Variants in PLBD1 observed in about 807,000 individuals in gnomAD.
PLBD1 encodes the protein phospholipase B domain containing 1.
PLBD1 carries 60 observed loss-of-function variants against 63.0 expected under a neutral mutation model. That is an observed-to-expected ratio of 0.95 (90% CI 0.77 to 1.18). The LOEUF (loss-of-function observed/expected upper bound fraction) is 1.18. Ranked by LOEUF, PLBD1 falls within the 50% of genes most tolerant of loss-of-function variation. The pLI is 0.00. For missense variants in PLBD1, 598 were observed against 677.9 expected (o/e 0.88, Z 1.31); for synonymous variants, 262 against 248.0 (o/e 1.06, Z -0.53).
At chr12:14,561,034 C>T (rs147403592) in intron 1 of PLBD1, among the ~76,000 whole-genome samples, 61 of 151,768 alleles carry the variant, frequency 4.0e-4, no homozygotes, top group African/African-American at 1.4e-3. Context: ...ATTTCAGAGA[C>T]GCCCTGAGGT....
chr12:14,511,885 A>G lies in PLBD1; in HGVS notation c.845-174T>C, dbSNP rs539241479. ...GGCTCACCTCTGTGGTAGTCACCCAACTGCCCCTTATAGAGGTGCCAAAAG... is the reference window on the plus strand; with the variant it reads ...GGCTCACCTCTGTGGTAGTCACCCAGCTGCCCCTTATAGAGGTGCCAAAAG... On this transcript the variant is annotated intron_variant, in intron 6 of 10. Coordinates refer to ENST00000240617, the MANE Select transcript of PLBD1 (RefSeq NM_024829.6). Among the ~76,000 whole-genome samples, 5 of 152,314 alleles carry G rather than the reference A, an allele frequency of 3.3e-5. No homozygotes were observed. In the South Asian group the frequency reaches 1.0e-3, roughly 32 times the overall value.
At chr12:14,561,694 A>G (rs894117397) in intron 1 of PLBD1, among the ~76,000 whole-genome samples, 2 of 152,192 alleles carry the variant, frequency 1.3e-5, no homozygotes, top group Non-Finnish European at 2.9e-5. Context: ...AGCTGGGATC[A>G]CAAGCGTGCG....
At chr12:14,510,884 G>A (rs1373436342) in intron 8 of PLBD1, among the ~76,000 whole-genome samples, 22 of 152,142 alleles carry the variant, frequency 1.4e-4, no homozygotes, top group Non-Finnish European at 2.5e-4. Context: ...AGACTCCTGA[G>A]TCCTTCCAGG....
rs1238119326 is a variant in PLBD1 at position 14,503,916 on chromosome 12, A to G, written c.1518T>C (p.Tyr506=). The G allele has an allele frequency of 1.9e-6, 3 of 1,613,974 alleles. No homozygotes were observed. Among genetic ancestry groups the G allele is most frequent in the East Asian group, 4.5e-5 (2 of 44,892 alleles). The change falls in exon 11 of 11, where the codon TAT becomes TAC. Residue 506 remains tyrosine, a synonymous_variant. Coordinates refer to ENST00000240617, the MANE Select transcript of PLBD1 (RefSeq NM_024829.6). ...DIYLASQYTS[Y]AISGPTVQGG... is the part of the protein sequence containing the mutation. ...CTTGTACTGTGGGACCACTTATGGC[A>G]TAGGATGTGTACTGAGATGCTAGGT...
intron 1 of PLBD1, among the ~76,000 whole-genome samples, chr12:14,561,502 A>G (rs971356981): frequency 2.6e-5 from 4 of 151,572 alleles, no homozygotes; most frequent in African/African-American, 9.7e-5. Flanking sequence ...CATTGTATCC[A>G]CTCCCTTGGG....
At chr12:14,546,828 C>T (rs1945620259) in intron 2 of PLBD1, among the ~76,000 whole-genome samples, 1 of 152,104 alleles carries the variant, frequency 6.6e-6, no homozygotes, top group African/African-American at 2.4e-5. Context: ...GATAGAAATA[C>T]AGGAAGGTAA....
intron 2 of PLBD1, among the ~76,000 whole-genome samples, chr12:14,548,282 C>T (rs1241988426): frequency 6.6e-6 from 1 of 151,568 alleles, no homozygotes; most frequent in Non-Finnish European, 1.5e-5. Context: ...CATGGTGAAA[C>T]CCTGTCTCTA....
chr12:14,535,541 T>G, intron 6 of PLBD1, 118 bp downstream of exon 6: 1 of 1,093,202 alleles, frequency 9.1e-7, no homozygotes, highest in Non-Finnish European at 1.3e-6. Context: ...TCAGATTGTT[T>G]GTTAATATAT....
At chr12:14,532,339 G>T (rs1418765870) in intron 6 of PLBD1, among the ~76,000 whole-genome samples, 3 of 152,188 alleles carry the variant, frequency 2.0e-5, no homozygotes, top group East Asian at 1.9e-4. Flanking sequence ...ACCGACACAT[G>T]GTACAGAGCT....
chr12:14,540,961 C>A (rs1462001379), intron 3 of PLBD1, 59 bp from the exon 4 acceptor site: 5 of 1,477,854 alleles, frequency 3.4e-6, no homozygotes, highest in Non-Finnish European at 4.6e-6. Context: ...AAAGCTAAAT[C>A]AAAGCAGGCA....
At chr12:14,557,128 C>T (rs1366860962) in intron 1 of PLBD1, among the ~76,000 whole-genome samples, 2 of 151,918 alleles carry the variant, frequency 1.3e-5, no homozygotes, top group Non-Finnish European at 2.9e-5. Flanking sequence ...AAATACCACT[C>T]CACATGAGTC....
intron 6 of PLBD1, among the ~76,000 whole-genome samples, chr12:14,514,240 G>A (rs1945321794): frequency 6.6e-6 from 1 of 152,184 alleles, no homozygotes; most frequent in Non-Finnish European, 1.5e-5. Flanking sequence ...CCTGGGCAAG[G>A]ATATATGGCT....
At position 14,540,803 on chromosome 12, in the gene PLBD1, A is replaced by G. The variant is rs764158372; in HGVS notation, c.519T>C (p.Tyr173=). 8.7e-6 allele frequency: 14 copies of G among 1,610,432 alleles called. No homozygotes were observed. The highest frequency in any genetic ancestry group is 1.3e-5 in the African/African-American group (1 of 74,884). The change falls in exon 4 of 11, where the codon TAT becomes TAC. Residue 173 remains tyrosine, a synonymous_variant. Transcript: ENST00000240617. ...ATATAGCCCTCTTCTTTGCTCCTAC[A>G]TAGAGGCCATCTATTTGTGCCATCA... ...GYVMAQIDGL[Y]VGAKKRAILE...
intron 1 of PLBD1, among the ~76,000 whole-genome samples, chr12:14,564,123 T>C (rs1448770305): frequency 1.3e-5 from 2 of 152,134 alleles, no homozygotes; most frequent in African/African-American, 4.8e-5. Flanking sequence ...TGTGCACCTG[T>C]AGTCCCATCT....
intron 6 of PLBD1, among the ~76,000 whole-genome samples, chr12:14,512,351 G>A (rs1485501495): frequency 1.3e-5 from 2 of 152,100 alleles, no homozygotes; most frequent in Non-Finnish European, 1.5e-5. Context: ...GTTTCACCGT[G>A]TTGGCCAGGC....
chr12:14,563,091 A>C (rs999740183), intron 1 of PLBD1, among the ~76,000 whole-genome samples: 2 of 152,170 alleles, frequency 1.3e-5, no homozygotes, highest in Non-Finnish European at 2.9e-5. Flanking sequence ...CTTTGCTACC[A>C]AATTTATGTT....
intron 2 of PLBD1, among the ~76,000 whole-genome samples, chr12:14,547,180 TTG>T (rs56182227): frequency 0.067 from 9,223 of 138,044 alleles, 314 homozygotes; most frequent in African/African-American, 0.088. Context: ...GCACCTGGCT[TTG>T]TGTGTGTGTG....
At chr12:14,526,684 C>T (rs1945417320) in intron 6 of PLBD1, among the ~76,000 whole-genome samples, 1 of 152,280 alleles carries the variant, frequency 6.6e-6, no homozygotes, top group East Asian at 1.9e-4. Flanking sequence ...GAAAGAAAAA[C>T]ATCCAAGGCC....
chr12:14,539,450 TA>T (rs1439110119), intron 4 of PLBD1, among the ~76,000 whole-genome samples: 1 of 151,782 alleles, frequency 6.6e-6, no homozygotes, highest in East Asian at 1.9e-4. Flanking sequence ...TTTTAAGATA[TA>T]TTTTTTAAAA....
Sources: allele counts gnomAD v4.1 joint callset (sites outside exome capture counted in the v4.1 genomes callset), GRCh38; gene constraint gnomAD v4.1.1; transcripts MANE v1.5; gene names NCBI Gene and HGNC (gene_info 2026-07-23, HGNC 2026-07-21).